Variants in MAPT observed in about 807,000 individuals in gnomAD.
MAPT encodes the protein microtubule-associated protein tau.
MAPT carries 34 observed loss-of-function variants against 67.9 expected under a neutral mutation model. That is an observed-to-expected ratio of 0.50 (90% CI 0.38 to 0.67). The LOEUF (loss-of-function observed/expected upper bound fraction) is 0.67. Ranked by LOEUF, MAPT falls within the 30% of genes least tolerant of loss-of-function variation. MAPT has a pLI of 0.00. For missense variants in MAPT, 881 were observed against 1,115.2 expected (o/e 0.79, Z 2.99); for synonymous variants, 456 against 464.5 (o/e 0.98, Z 0.23).
At chr17:45,962,521 T>C in intron 2 of MAPT, 51 bp downstream of exon 2, 1 of 1,607,894 alleles carries the variant, frequency 6.2e-7, no homozygotes, top group South Asian at 1.1e-5. Flanking sequence ...AGCCAAGGGG[T>C]GGCGGGAACA....
In MAPT at chr17:46,024,861, T is replaced by C. The variant is rs542397571; in HGVS notation, c.*690T>C. On this transcript the variant is annotated 3_prime_UTR_variant, in exon 13 of 13. Coordinates refer to ENST00000262410, the MANE Select transcript of MAPT (RefSeq NM_001377265.1). ...GCAGCGTCTGAGCGGCCGCCTGTCC[T>C]TGGTGGCCGGGGGTGGGGGCCTGCT... 11 of 158,266 alleles carry C rather than the reference T, an allele frequency of 7.0e-5. No homozygotes were observed. Among genetic ancestry groups the C allele is most frequent in the African/African-American group, 1.9e-4 (8 of 41,608 alleles). The allele number at this position is 158,266 out of a possible 1,614,324, so 9.8% of individuals were successfully genotyped here.
intron 9 of MAPT, among the ~76,000 whole-genome samples, chr17:46,004,565 A>G (rs2075278581): frequency 6.6e-6 from 1 of 152,154 alleles, no homozygotes; most frequent in Admixed American, 6.5e-5. Flanking sequence ...AAATTTCAGG[A>G]TTCTGATTTC....
At chr17:45,982,116 G>T (rs1251224473) in intron 4 of MAPT, among the ~76,000 whole-genome samples, 1 of 151,808 alleles carries the variant, frequency 6.6e-6, no homozygotes, top group Non-Finnish European at 1.5e-5. Context: ...GAGGTCAGGA[G>T]ATCAAGACTA....
At chr17:45,908,614 G>A (rs998757813) in intron 1 of MAPT, among the ~76,000 whole-genome samples, 5 of 152,306 alleles carry the variant, frequency 3.3e-5, no homozygotes, top group East Asian at 1.9e-4. Flanking sequence ...GGAAAAGGGG[G>A]AGTGATGGGG....
intron 1 of MAPT, among the ~76,000 whole-genome samples, chr17:45,955,582 G>T (rs568745449): frequency 6.6e-6 from 1 of 152,226 alleles, no homozygotes; most frequent in Non-Finnish European, 1.5e-5. Context: ...TTGGTGATGT[G>T]TCGATGTGCA....
intron 9 of MAPT, among the ~76,000 whole-genome samples, chr17:46,007,363 G>T (rs1010205072): frequency 6.6e-5 from 10 of 151,722 alleles, no homozygotes; most frequent in African/African-American, 2.4e-4. Context: ...AGCACATACC[G>T]GTAGTTCCAG....
chr17:45,924,685 C>G, intron 1 of MAPT, among the ~76,000 whole-genome samples: 1 of 152,350 alleles, frequency 6.6e-6, no homozygotes, highest in East Asian at 1.9e-4. Flanking sequence ...CTGCTCCTGC[C>G]CACTTGGAAT....
intron 12 of MAPT, among the ~76,000 whole-genome samples, chr17:46,020,716 T>G (rs1444151448): frequency 6.6e-6 from 1 of 152,074 alleles, no homozygotes; most frequent in Non-Finnish European, 1.5e-5. Context: ...CCATCAGATC[T>G]CGGGAGACTT....
chr17:45,989,972 C>A lies in MAPT; in HGVS notation c.1502C>A (p.Pro501His). The A allele has an allele frequency of 6.2e-7, 1 of 1,613,974 alleles. No individual in the cohort carries two copies. Among genetic ancestry groups the A allele is most frequent in the Non-Finnish European group, 8.5e-7 (1 of 1,179,838 alleles). ...TPGSSDPLIQ[P>H]SSPAVCPEPP... is the part of the protein sequence containing the mutation. The stretch of plus-strand genomic sequence containing the variant: ...GGTAGCTCAGACCCTCTGATCCAAC[C>A]CTCCAGCCCTGCTGTGTGCCCAGAG... Residue 501 changes from proline to histidine, a missense_variant, in exon 7 of 13, where the codon CCC becomes CAC. Around this residue, in one of 6 missense-constraint regions of MAPT, gnomAD observed 687 missense variants for 766.1 expected, o/e 0.90. Transcript: ENST00000262410.
intron 1 of MAPT, chr17:45,898,871 G>A (rs2063442218): frequency 6.6e-6 from 1 of 152,232 alleles, no homozygotes; most frequent in Non-Finnish European, 1.5e-5. Context: ...TGGGAAGCAG[G>A]TGGGAAACTG....
chr17:45,951,224 T>C (rs920962588), intron 1 of MAPT, among the ~76,000 whole-genome samples: 2 of 152,196 alleles, frequency 1.3e-5, no homozygotes, highest in African/African-American at 2.4e-5. Flanking sequence ...GGAGCAGCTG[T>C]CTATGAGGTC....
intron 1 of MAPT, among the ~76,000 whole-genome samples, chr17:45,956,548 TTA>T (rs57223421): frequency 1.0e-3 from 96 of 95,208 alleles, no homozygotes; most frequent in African/African-American, 3.4e-3. Flanking sequence ...GCAGGTTCTT[TTA>T]TATATATATA....
intron 1 of MAPT, among the ~76,000 whole-genome samples, chr17:45,924,891 C>T (rs931515536): frequency 5.9e-5 from 9 of 152,316 alleles, no homozygotes; most frequent in East Asian, 1.9e-4. Flanking sequence ...AGAATTTTCC[C>T]TCCTGTATCT....
chr17:46,007,421 AG>A (rs1454749794), intron 9 of MAPT, among the ~76,000 whole-genome samples: 4 of 152,166 alleles, frequency 2.6e-5, no homozygotes, highest in African/African-American at 9.7e-5. Context: ...CAGGAGTTTA[AG>A]GCTGCAGTGA....
intron 8 of MAPT, among the ~76,000 whole-genome samples, chr17:45,992,397 G>T (rs1402483569): frequency 1.3e-5 from 2 of 152,206 alleles, no homozygotes; most frequent in Admixed American, 1.3e-4. Context: ...AAGTCACAAT[G>T]GGTGACGTCA....
chr17:45,917,175 A>G (rs879146870), intron 1 of MAPT, among the ~76,000 whole-genome samples: 1 of 152,054 alleles, frequency 6.6e-6, no homozygotes, highest in Admixed American at 6.5e-5. Flanking sequence ...CTCCTGCCCA[A>G]CTCCTCCTTC....
intron 1 of MAPT, among the ~76,000 whole-genome samples, 175 bp from the exon 2 acceptor site, chr17:45,962,146 G>A (rs1397187686): frequency 1.3e-5 from 2 of 152,170 alleles, no homozygotes; most frequent in Admixed American, 6.5e-5. Flanking sequence ...TGTAAATAAC[G>A]CTTGGGCAGG....
chr17:45,950,606 C>T (rs2068966708), intron 1 of MAPT, among the ~76,000 whole-genome samples: 1 of 152,070 alleles, frequency 6.6e-6, no homozygotes. Flanking sequence ...TCAGAAAAGT[C>T]ACAATAAAAA....
rs1383156051 is a variant in MAPT at position 46,023,859 on chromosome 17, G to A, written c.2287-97G>A. 11 of 1,008,910 alleles carry A rather than the reference G, an allele frequency of 1.1e-5. No individual in the cohort carries two copies. In the Admixed American group the frequency reaches 2.0e-4, roughly 18 times the overall value. The allele number at this position is 1,008,910 out of a possible 1,614,324, so 62.5% of individuals were successfully genotyped here. A position where few individuals can be genotyped will look rare whatever the true frequency, so the allele number is the denominator to read the frequency against. On this transcript the variant is annotated intron_variant, in intron 12 of 12. Transcript: ENST00000262410. The stretch of plus-strand genomic sequence containing the variant: ...CTGTCTCAAAAACAAACAAAAAACA[G>A]TCCCTGGCACTCTGGGCCAGGCCTG...
Sources: allele counts gnomAD v4.1 joint callset (sites outside exome capture counted in the v4.1 genomes callset), GRCh38; gene constraint gnomAD v4.1.1; regional missense constraint gnomAD v4.1.1; transcripts MANE v1.5; gene names NCBI Gene and HGNC (gene_info 2026-07-23, HGNC 2026-07-21).